The following EXOC4 variants were observed in gnomAD, a reference collection of about 807,000 sequenced individuals.
The protein encoded by EXOC4 is SEC8-like 1.
In EXOC4, 71 loss-of-function variants were observed where a neutral mutation model predicts 107.2. The observed-to-expected ratio is 0.66, with a 90% confidence interval of 0.55 to 0.81. EXOC4 has a LOEUF of 0.81. EXOC4 is among the 30% of genes least tolerant of loss of function. EXOC4 has a pLI of 0.00. For synonymous variants in EXOC4, 456 were observed against 441.2 expected, an observed-to-expected ratio of 1.03 and a Z score of -0.42; for missense variants, 1,108 against 1,189.6, an observed-to-expected ratio of 0.93 and a Z score of 1.01.
intron 9 of EXOC4, among the ~76,000 whole-genome samples, chr7:133,525,518 C>T (rs920517925): frequency 6.6e-6 from 1 of 152,178 alleles, no homozygotes; most frequent in African/African-American, 2.4e-5. Flanking sequence ...CCATCTTATG[C>T]CTTTCTGAAA....
intron 10 of EXOC4, among the ~76,000 whole-genome samples, chr7:133,692,895 C>A (rs984468100): frequency 1.3e-5 from 2 of 152,140 alleles, no homozygotes; most frequent in African/African-American, 4.8e-5. Flanking sequence ...GTGCTAAGCG[C>A]TTCACATGTT....
At chr7:133,313,112 T>C (rs1367773521) in intron 4 of EXOC4, among the ~76,000 whole-genome samples, 3 of 151,606 alleles carry the variant, frequency 2.0e-5, no homozygotes, top group Non-Finnish European at 4.4e-5. Flanking sequence ...TGTTTACATA[T>C]GTTGGTTTTC....
chr7:133,828,658 A>G lies in EXOC4; in HGVS notation c.1734+11114A>G, dbSNP rs1375344629. 2.0e-5 allele frequency among the ~76,000 whole-genome samples: 3 copies of G among 152,218 alleles called. No homozygotes were observed. In the East Asian group the frequency reaches 5.8e-4, roughly 29 times the overall value. ...CTACTCAAAAACTTGTGTGTACTTA[A>G]TCTTAGCATAGACAATCTCAGATGG... On this transcript the variant is annotated intron_variant, in intron 11 of 17. Coordinates refer to ENST00000253861, the MANE Select transcript of EXOC4 (RefSeq NM_021807.4).
At chr7:133,302,661 C>A (rs137897952) in intron 3 of EXOC4, among the ~76,000 whole-genome samples, 5 of 152,270 alleles carry the variant, frequency 3.3e-5, no homozygotes, top group African/African-American at 1.2e-4. Context: ...AGTCTTTCAT[C>A]TGCTATGTTT....
intron 9 of EXOC4, among the ~76,000 whole-genome samples, chr7:133,618,784 A>G (rs1293701545): frequency 1.3e-5 from 2 of 152,176 alleles, no homozygotes; most frequent in African/African-American, 2.4e-5. Flanking sequence ...GATCTGGGAA[A>G]TAGTCTGAGT....
intron 12 of EXOC4, among the ~76,000 whole-genome samples, chr7:133,897,049 A>T: frequency 6.7e-6 from 1 of 149,852 alleles, no homozygotes; most frequent in South Asian, 2.1e-4. Flanking sequence ...GATAATGTTG[A>T]ATAGGAAGAT....
intron 11 of EXOC4, among the ~76,000 whole-genome samples, chr7:133,860,148 C>G (rs534823173): frequency 2.6e-4 from 39 of 152,096 alleles, no homozygotes; most frequent in Admixed American, 5.2e-4. Context: ...TTTCCTGCCT[C>G]TGAAAAAAAT....
intron 10 of EXOC4, among the ~76,000 whole-genome samples, chr7:133,800,084 A>G (rs1170642994): frequency 1.6e-5 from 2 of 122,532 alleles, no homozygotes; most frequent in Non-Finnish European, 3.1e-5. Flanking sequence ...CCCTCTCTAC[A>G]TTTATACTTA....
At chr7:133,764,334 A>G (rs777523848) in intron 10 of EXOC4, among the ~76,000 whole-genome samples, 3 of 152,012 alleles carry the variant, frequency 2.0e-5, no homozygotes, top group Non-Finnish European at 4.4e-5. Flanking sequence ...AAAAAAACCT[A>G]TGCTCTAAGA....
At chr7:133,918,106 C>T (rs915408376) in intron 13 of EXOC4, among the ~76,000 whole-genome samples, 6 of 151,650 alleles carry the variant, frequency 4.0e-5, no homozygotes, top group Admixed American at 6.6e-5. Flanking sequence ...CCTCAGCCTC[C>T]CAAGTAGCTG....
chr7:133,480,350 C>T, intron 9 of EXOC4: 2 of 1,371,440 alleles, frequency 1.5e-6, no homozygotes, highest in Middle Eastern at 2.8e-4. Context: ...TGCTACTGTT[C>T]AAGTGGGAAT....
chr7:133,921,570 T>C (rs937838478), intron 13 of EXOC4, among the ~76,000 whole-genome samples: 34 of 152,224 alleles, frequency 2.2e-4, no homozygotes, highest in Non-Finnish European at 4.4e-5. Context: ...TTATCCTTGT[T>C]CCTCTATAGG....
intron 7 of EXOC4, among the ~76,000 whole-genome samples, chr7:133,403,225 C>T (rs962061957): frequency 6.6e-6 from 1 of 152,178 alleles, no homozygotes; most frequent in Non-Finnish European, 1.5e-5. Context: ...ATCCTTTACT[C>T]ACAGGAACTG....
At chr7:133,500,290 C>G (rs1799553207) in intron 9 of EXOC4, among the ~76,000 whole-genome samples, 1 of 152,084 alleles carries the variant, frequency 6.6e-6, no homozygotes, top group African/African-American at 2.4e-5. Context: ...CCTTTTCAGT[C>G]TGTTTCTCCC....
intron 11 of EXOC4, among the ~76,000 whole-genome samples, chr7:133,863,359 A>T (rs796175898): frequency 1.3e-5 from 2 of 152,346 alleles, no homozygotes; most frequent in African/African-American, 4.8e-5. Context: ...ATATTATAAC[A>T]ATGAAAAATA....
chr7:133,772,027 G>C (rs1478847369), intron 10 of EXOC4, among the ~76,000 whole-genome samples: 1 of 151,912 alleles, frequency 6.6e-6, no homozygotes, highest in Non-Finnish European at 1.5e-5. Context: ...AGCAATCATA[G>C]GCTGTCATTT....
intron 10 of EXOC4, among the ~76,000 whole-genome samples, chr7:133,812,481 C>A (rs2160747): frequency 0.99 from 149,978 of 151,982 alleles, 74,042 homozygotes; most frequent in Middle Eastern, 1. Context: ...TCTCTAAGTC[C>A]CTCCCCTCTG....
chr7:133,745,819 A>C (rs1795665365), intron 10 of EXOC4, among the ~76,000 whole-genome samples: 1 of 150,840 alleles, frequency 6.6e-6, no homozygotes, highest in East Asian at 2.0e-4. Flanking sequence ...TGTATGTTTT[A>C]AATGAGAAAG....
At chr7:134,024,484 A>G (rs1377540743) in intron 17 of EXOC4, among the ~76,000 whole-genome samples, 1 of 151,956 alleles carries the variant, frequency 6.6e-6, no homozygotes, top group Non-Finnish European at 1.5e-5. Flanking sequence ...GTTTTTAATT[A>G]ATTTAAAATA....
Sources: gnomAD v4.1 joint callset for allele counts (sites outside exome capture counted in the v4.1 genomes callset) on GRCh38, gnomAD v4.1.1 for gene constraint, MANE v1.5 for transcripts, NCBI Gene and HGNC (gene_info 2026-07-23, HGNC 2026-07-21) for gene names.